Variants in CCDC171 observed in about 807,000 individuals in gnomAD.
The protein encoded by CCDC171 is coiled-coil domain-containing protein 171.
Under a neutral mutation model 168.2 loss-of-function variants are expected in CCDC171, and 177 were observed. The ratio of observed to expected loss-of-function variants is 1.05; its 90% confidence interval spans 0.93 to 1.19. The LOEUF (loss-of-function observed/expected upper bound fraction) is 1.19. CCDC171 is among the 50% of genes most tolerant of loss of function. The pLI, the probability that CCDC171 is intolerant of heterozygous loss-of-function variation, is 0.00. For missense variants in CCDC171, 1,991 were observed against 1,539.0 expected (o/e 1.29, Z -4.91); for synonymous variants, 687 against 540.8 (o/e 1.27, Z -3.75).
At chr9:16,091,414 A>C in the CCDC171 span, among the ~76,000 whole-genome samples, 5 of 152,242 alleles carry the variant, frequency 3.3e-5, no homozygotes, top group Admixed American at 3.3e-4. Context: ...ATGACTGCTC[A>C]GTCCCTTTGG....
chr9:15,731,598 G>A (rs1454067614), intron 16 of CCDC171, among the ~76,000 whole-genome samples: 1 of 152,072 alleles, frequency 6.6e-6, no homozygotes, highest in Non-Finnish European at 1.5e-5. Context: ...TTGATGGATT[G>A]TGGGTTGATG....
intron 1 of CCDC171, among the ~76,000 whole-genome samples, chr9:16,051,067 G>A (rs1199889658): frequency 1.3e-5 from 2 of 151,940 alleles, no homozygotes; most frequent in Non-Finnish European, 2.9e-5. Flanking sequence ...TGTACAAAGT[G>A]GCCTATGCAG....
chr9:15,589,126 T>C (rs1031108378), intron 4 of CCDC171, among the ~76,000 whole-genome samples: 2 of 152,150 alleles, frequency 1.3e-5, no homozygotes, highest in African/African-American at 4.8e-5. Flanking sequence ...GGAAAACACG[T>C]TTCCCTTCTA....
downstream of CCDC171, among the ~76,000 whole-genome samples, chr9:16,063,501 T>G (rs1833958418): frequency 2.0e-5 from 3 of 152,202 alleles, no homozygotes; most frequent in Admixed American, 2.0e-4. Context: ...TGGGAGAAGC[T>G]AAAAAGTGAA....
the CCDC171 span, among the ~76,000 whole-genome samples, chr9:16,072,938 A>G: frequency 6.6e-6 from 1 of 152,314 alleles, no homozygotes; most frequent in South Asian, 2.1e-4. Context: ...TATTTCTTGA[A>G]TAAATTAATT....
chr9:15,726,740 T>C (rs904401427), intron 14 of CCDC171, among the ~76,000 whole-genome samples: 2 of 152,170 alleles, frequency 1.3e-5, no homozygotes, highest in Non-Finnish European at 2.9e-5. Context: ...CTATATTCAG[T>C]TTTTTAAAAA....
At chr9:15,582,097 C>T (rs1011694277) in intron 4 of CCDC171, among the ~76,000 whole-genome samples, 1 of 152,154 alleles carries the variant, frequency 6.6e-6, no homozygotes, top group Non-Finnish European at 1.5e-5. Context: ...AAAAAACAAT[C>T]TCATCAGAAA....
intron 10 of CCDC171, among the ~76,000 whole-genome samples, chr9:15,685,218 T>A (rs902138518): frequency 1.6e-4 from 24 of 152,220 alleles, no homozygotes; most frequent in Non-Finnish European, 3.2e-4. Context: ...AGTTAGTACT[T>A]TGTTTTCAGC....
intron 18 of CCDC171, chr9:15,776,428 A>G (rs2057334428): frequency 6.6e-6 from 1 of 152,178 alleles, no homozygotes; most frequent in African/African-American, 2.4e-5. Context: ...ATTACCGTAT[A>G]TTTATATTCC....
At chr9:15,857,782 C>G (rs2061402510) in intron 23 of CCDC171, among the ~76,000 whole-genome samples, 1 of 151,882 alleles carries the variant, frequency 6.6e-6, no homozygotes, top group Non-Finnish European at 1.5e-5. Flanking sequence ...TTGAAGGAAA[C>G]TATCCTTTCC....
chr9:15,656,085 C>T (rs553853235), intron 7 of CCDC171, among the ~76,000 whole-genome samples: 23 of 152,094 alleles, frequency 1.5e-4, no homozygotes, highest in Middle Eastern at 3.4e-3. Flanking sequence ...TTTGGGAGGC[C>T]GAGGCGGGCA....
chr9:15,654,685 G>A (rs777193604), intron 7 of CCDC171, among the ~76,000 whole-genome samples: 13 of 152,180 alleles, frequency 8.5e-5, no homozygotes, highest in Non-Finnish European at 8.8e-5. Flanking sequence ...CAAGATGGCC[G>A]AATAGGAACA....
chr9:15,665,808 A>G (rs937004935), intron 8 of CCDC171, among the ~76,000 whole-genome samples: 1 of 152,182 alleles, frequency 6.6e-6, no homozygotes, highest in African/African-American at 2.4e-5. Flanking sequence ...TTAATTTATT[A>G]TATTTTATAA....
chr9:15,572,589 T>C lies in CCDC171; in HGVS notation c.177+830T>C, dbSNP rs530287895. On this transcript the variant is annotated intron_variant, in intron 3 of 25. Coordinates refer to ENST00000380701, the MANE Select transcript of CCDC171 (RefSeq NM_173550.4). The stretch of plus-strand genomic sequence containing the variant: ...GCTGTAATTTATTGACAGTTAAGTG[T>C]AAACAGTATGTTTTTCTTCCCTTTT... 3.3e-5 allele frequency among the ~76,000 whole-genome samples: 5 copies of C among 152,364 alleles called. No individual in the cohort carries two copies. In the East Asian group the frequency reaches 9.6e-4, roughly 29 times the overall value.
chr9:16,093,457 T>C, the CCDC171 span, among the ~76,000 whole-genome samples: 1 of 152,204 alleles, frequency 6.6e-6, no homozygotes, highest in African/African-American at 2.4e-5. Flanking sequence ...CCACTAACAT[T>C]TCTTTTGAAG....
chr9:16,028,638 A>T (rs908002800), intron 6 of CCDC171, among the ~76,000 whole-genome samples: 3 of 152,174 alleles, frequency 2.0e-5, no homozygotes, highest in African/African-American at 7.2e-5. Flanking sequence ...TGGCAGCTCT[A>T]GCTCCTGGTG....
In CCDC171 at chr9:15,566,307, C is replaced by G. The variant is rs139607299; in HGVS notation, c.41+2178C>G. ...GTGCAGTAACTCATGCCTGTAATCC[C>G]AGCACTTTGGGAGGCTGAGGTGGGT... On this transcript the variant is annotated intron_variant, in intron 2 of 25. Transcript: ENST00000380701. Among the ~76,000 whole-genome samples, 9 of 152,138 alleles carry G rather than the reference C, an allele frequency of 5.9e-5. No individual in the cohort carries two copies. In the East Asian group the frequency reaches 1.7e-3, roughly 29 times the overall value.
At chr9:15,742,602 TGG>T (rs1162254693) in intron 16 of CCDC171, among the ~76,000 whole-genome samples, 2 of 152,216 alleles carry the variant, frequency 1.3e-5, no homozygotes, top group Non-Finnish European at 2.9e-5. Flanking sequence ...GCACTCCCTG[TGG>T]GCCACCACTT....
the CCDC171 span, among the ~76,000 whole-genome samples, chr9:16,083,087 G>GT: frequency 6.6e-6 from 1 of 152,132 alleles, no homozygotes; most frequent in African/African-American, 2.4e-5. Context: ...GGTATCAGGG[G>GT]TTTTTATTTT....
Sources: allele counts gnomAD v4.1 joint callset (sites outside exome capture counted in the v4.1 genomes callset), GRCh38; gene constraint gnomAD v4.1.1; transcripts MANE v1.5; gene names NCBI Gene and HGNC (gene_info 2026-07-23, HGNC 2026-07-21).